The following RERE variants were observed in gnomAD, a reference collection of about 807,000 sequenced individuals.
RERE encodes arginine-glutamic acid dipeptide repeats.
In RERE, 40 loss-of-function variants were observed where a neutral mutation model predicts 146.1. That is an observed-to-expected ratio of 0.27 (90% confidence interval 0.21 to 0.36). The LOEUF (loss-of-function observed/expected upper bound fraction) is 0.36. RERE is among the 10% of genes least tolerant of loss of function. The pLI, the probability that RERE is intolerant of heterozygous loss-of-function variation, is 1.00. For missense variants in RERE, 1,933 were observed against 2,138.7 expected, an observed-to-expected ratio of 0.90 and a Z score of 1.90; for synonymous variants, 1,003 against 866.0, an observed-to-expected ratio of 1.16 and a Z score of -2.78.
At chr1:8,601,626 C>CCACACACACACACACACACACACA (rs3082094) in intron 4 of RERE, among the ~76,000 whole-genome samples, 1 of 94,914 alleles carries the variant, frequency 1.1e-5, no homozygotes, top group African/African-American at 4.4e-5. Context: ...TCCAAGGTCA[C>CCACACACACACACACACACACACA]CACACACACA....
At chr1:8,740,462 A>G (rs1640285601) in intron 1 of RERE, among the ~76,000 whole-genome samples, 1 of 152,208 alleles carries the variant, frequency 6.6e-6, no homozygotes, top group Non-Finnish European at 1.5e-5. Context: ...AGGTTACACT[A>G]AATTCCTCTT....
At chr1:8,686,673 C>T (rs747828192) in intron 1 of RERE, among the ~76,000 whole-genome samples, 4 of 152,082 alleles carry the variant, frequency 2.6e-5, no homozygotes, top group Non-Finnish European at 4.4e-5. Flanking sequence ...TCACTTGAAC[C>T]CGGGAGGTGG....
chr1:8,752,241 T>C (rs1487200507), intron 1 of RERE, among the ~76,000 whole-genome samples: 3 of 152,218 alleles, frequency 2.0e-5, no homozygotes, highest in African/African-American at 7.2e-5. Context: ...AAGGCGATCA[T>C]ACGATGATGA....
intron 1 of RERE, among the ~76,000 whole-genome samples, chr1:8,748,591 A>G (rs971597575): frequency 6.6e-6 from 1 of 152,218 alleles, no homozygotes; most frequent in Admixed American, 6.5e-5. Context: ...AAGTGTCAAG[A>G]GCTTTCTTCA....
At chr1:8,765,708 C>T (rs1640833045) in intron 1 of RERE, among the ~76,000 whole-genome samples, 1 of 152,138 alleles carries the variant, frequency 6.6e-6, no homozygotes, top group Non-Finnish European at 1.5e-5. Flanking sequence ...AATCTCAGCA[C>T]TTTGGGAGAC....
chr1:8,562,224 A>T (rs1169086836), intron 4 of RERE, among the ~76,000 whole-genome samples: 1 of 152,226 alleles, frequency 6.6e-6, no homozygotes. Flanking sequence ...AGTGTCATAC[A>T]GCAAATTAAG....
chr1:8,461,248 C>T (rs919280436), intron 11 of RERE, among the ~76,000 whole-genome samples: 1 of 151,600 alleles, frequency 6.6e-6, no homozygotes, highest in Non-Finnish European at 1.5e-5. Context: ...CTATTTCCTC[C>T]TCTTTATCTT....
chr1:8,548,185 T>C (rs562283756), intron 6 of RERE, among the ~76,000 whole-genome samples: 4 of 152,078 alleles, frequency 2.6e-5, no homozygotes, highest in Non-Finnish European at 4.4e-5. Context: ...GAAAAGAAAA[T>C]GCTGGAAGGA....
chr1:8,665,510 A>G (rs942790374), intron 1 of RERE, among the ~76,000 whole-genome samples: 4 of 152,242 alleles, frequency 2.6e-5, no homozygotes, highest in African/African-American at 9.6e-5. Context: ...AAAATATTTC[A>G]TGAATAAATA....
chr1:8,422,445 T>TC (rs1041745160), intron 12 of RERE, among the ~76,000 whole-genome samples: 2 of 152,120 alleles, frequency 1.3e-5, no homozygotes, highest in African/African-American at 4.8e-5. Context: ...CAACAATCCT[T>TC]CCCCCACAAC....
rs1359709631 is a variant in RERE at position 8,423,944 on chromosome 1, C to G, written c.1204-1137G>C. Reference sequence around the variant, plus strand: ...AGGCCGGAGCCTCCAGGGCACCCGGCGCTGGAATCTGTGTCCTCCTTCCGG... The same window carrying G: ...AGGCCGGAGCCTCCAGGGCACCCGGGGCTGGAATCTGTGTCCTCCTTCCGG... On this transcript the variant is annotated intron_variant, in intron 11 of 22. Coordinates refer to ENST00000400908, the MANE Select transcript of RERE (RefSeq NM_001042681.2). This position sits in a 1 kb window ranked among gnomAD's most constrained non-coding sequence, Gnocchi z 5.4. The G allele has an allele frequency of 6.6e-6, 1 of 150,822 alleles. No individual in the cohort carries two copies. Among genetic ancestry groups the G allele is most frequent in the African/African-American group, 2.4e-5 (1 of 41,172 alleles). The allele number at this position is 150,822 out of a possible 1,614,324, so 9.3% of individuals were successfully genotyped here. A position where few individuals can be genotyped will look rare whatever the true frequency, so the allele number is the denominator to read the frequency against.
At chr1:8,500,653 G>A (rs1230675338) in intron 8 of RERE, among the ~76,000 whole-genome samples, 8 of 151,920 alleles carry the variant, frequency 5.3e-5, no homozygotes, top group Non-Finnish European at 7.4e-5. Flanking sequence ...AGTGAGGAGC[G>A]TCTCTGCCTG....
chr1:8,567,129 T>C lies in RERE; in HGVS notation c.523-9606A>G, dbSNP rs185206746. Among the ~76,000 whole-genome samples, 723 of 152,198 alleles carry C rather than the reference T, an allele frequency of 4.8e-3. 18 individuals are homozygous for C. Among genetic ancestry groups the C allele is most frequent in the Admixed American group, 0.038 (584 of 15,284 alleles). On this transcript the variant is annotated intron_variant, in intron 4 of 22. Transcript: ENST00000400908. ...AATTTTTAAAGAGAAGTTAAGTAGA[T>C]GAAAGAAATAGAAGACCATGGCCAC...
At chr1:8,425,848 T>C (rs1442769320) in intron 11 of RERE, 2 of 152,230 alleles carry the variant, frequency 1.3e-5, no homozygotes, top group African/African-American at 2.4e-5. Context: ...AACCAATAGT[T>C]ACTAAGTACC....
At chr1:8,424,896 TTC>T (rs1643987650) in intron 11 of RERE, 1 of 152,476 alleles carries the variant, frequency 6.6e-6, no homozygotes, top group South Asian at 2.1e-4. Context: ...ACAGGGAACA[TTC>T]TGGGAACTGC....
rs58647657 is a variant in RERE, at chr1:8,507,737, C to CTTT, written c.879+887_879+889dup. ...AAAAGAGGTTTTAAACATCTTTTAT[C>CTTT]TTTTTTTTTTTTTTTTTTTGAGACA... On this transcript the variant is annotated intron_variant, in intron 8 of 22. Transcript: ENST00000400908. Among the ~76,000 whole-genome samples, 16 of 85,958 alleles carry CTTT rather than the reference C, an allele frequency of 1.9e-4. 2 individuals are homozygous for CTTT. Among genetic ancestry groups the CTTT allele is most frequent in the African/African-American group, 7.0e-4 (14 of 20,028 alleles). The allele number at this position is 85,958 out of a possible 152,430, so 56.4% of individuals were successfully genotyped here.
chr1:8,361,323 T>G lies in RERE; in HGVS notation c.2184A>C (p.Ser728=), dbSNP rs1376294269. The change falls in exon 18 of 23, where the codon TCA becomes TCC. Residue 728 remains serine (S), a synonymous_variant. Coordinates refer to ENST00000400908, the MANE Select transcript of RERE (RefSeq NM_001042681.2). ...PQDNESDSDS[S]AQQQMLQAQP... ...GGGCCTGCAGCATCTGCTGCTGGGC[T>G]GACGAGTCCGAGTCACTCTCATTGT... 3 of 1,612,468 alleles carry G rather than the reference T, an allele frequency of 1.9e-6. No homozygotes were observed. The highest frequency in any genetic ancestry group is 2.5e-6 in the Non-Finnish European group (3 of 1,179,102).
chr1:8,365,859 G>A lies in RERE; in HGVS notation c.1400C>T (p.Ala467Val), dbSNP rs1460527420. 29 of 1,614,036 alleles carry A rather than the reference G, an allele frequency of 1.8e-5. No individual in the cohort carries two copies. The highest frequency in any genetic ancestry group is 2.7e-5 in the African/African-American group (2 of 74,908). Reference sequence around the variant, plus strand: ...GGAGGGTGTGTTGACGGGTGTGGACGCGGTGCGAGTCTTAATCCTCCTGAA... The same window carrying A: ...GGAGGGTGTGTTGACGGGTGTGGACACGGTGCGAGTCTTAATCCTCCTGAA... ...AVFRRIKTRTASTPVNTPSRP... is the reference protein window; with the variant it reads ...AVFRRIKTRTVSTPVNTPSRP... Residue 467 changes from alanine (A) to valine (V), a missense_variant, in exon 13 of 23, where the codon GCG becomes GTG. By Grantham distance (64) the Ala-to-Val change is moderately conservative. Transcript: ENST00000400908.
rs539051650 is a variant in RERE, at chr1:8,549,991, A to G, written c.725+6484T>C. Among the ~76,000 whole-genome samples, 4 of 152,358 alleles carry G rather than the reference A, an allele frequency of 2.6e-5. No individual in the cohort carries two copies. The East Asian group carries it at 7.7e-4, about 29-fold the overall frequency. ...TAAATGCAATGTGGGATCCCATATA[A>G]GATCCTAGAACAACAACGAGGACAT... On this transcript the variant is annotated intron_variant, in intron 6 of 22. Transcript: ENST00000400908.
Sources: allele counts gnomAD v4.1 joint callset (sites outside exome capture counted in the v4.1 genomes callset), GRCh38; gene constraint gnomAD v4.1.1; non-coding constraint Gnocchi (gnomAD v3.1); transcripts MANE v1.5; gene names NCBI Gene and HGNC (gene_info 2026-07-23, HGNC 2026-07-21).